FHL1: variants seen among roughly 807,000 people sequenced by gnomAD.
FHL1 encodes four and a half LIM domains protein 1.
FHL1 carries 1 observed loss-of-function variant against 20.3 expected under a neutral mutation model. The observed-to-expected ratio is 0.05, with a 90% CI of 0.02 to 0.23. The LOEUF (loss-of-function observed/expected upper bound fraction) is 0.23. Ranked by LOEUF, FHL1 falls within the 10% of genes least tolerant of loss-of-function variation. The pLI, the probability that FHL1 is intolerant of heterozygous loss-of-function variation, is 1.00. For missense variants in FHL1, 177 were observed against 234.0 expected, an observed-to-expected ratio of 0.76 and a Z score of 1.59; for synonymous variants, 82 against 88.9, an observed-to-expected ratio of 0.92 and a Z score of 0.44.
At chrX:136,192,212 A>G (rs1257439234), upstream of FHL1, among the ~76,000 whole-genome samples, 1 of 111,582 alleles carries the variant, frequency 9.0e-6, no homozygotes, top group African/African-American at 3.3e-5. Context: ...TTTGAAAAAT[A>G]TCATCCTAGG....
At chrX:136,209,737 C>A in intron 5 of FHL1, 134 bp from the exon 6 acceptor site, 2 of 755,070 alleles carry the variant, frequency 2.6e-6, no homozygotes, top group Non-Finnish European at 1.9e-6. Flanking sequence ...GCCAGGCAGA[C>A]CTGGCTCTTG....
intron 2 of FHL1, among the ~76,000 whole-genome samples, chrX:136,175,745 A>G (rs2072986800): frequency 1.8e-5 from 2 of 112,415 alleles, no homozygotes; most frequent in Non-Finnish European, 3.8e-5. Context: ...GCAAAATTGT[A>G]TATATGCTGT....
At chrX:136,165,878 T>C (rs1283124851), upstream of FHL1, among the ~76,000 whole-genome samples, 1 of 112,086 alleles carries the variant, frequency 8.9e-6, no homozygotes, top group Non-Finnish European at 1.9e-5. Flanking sequence ...TCTTGGCTTC[T>C]TTCTGGAATA....
chrX:136,178,586 ACT>A (rs943630155), intron 2 of FHL1, among the ~76,000 whole-genome samples: 1 of 93,755 alleles, frequency 1.1e-5, no homozygotes, highest in Non-Finnish European at 2.3e-5. Context: ...ATAGAGTGAG[ACT>A]CTGTCAAAAA....
rs1219841390 is a variant in FHL1, at chrX:136,210,220, A to G, written c.*195A>G. ...TCATATTAGCATTTAGCAAAAAGCA[A>G]CCCTGCAGCAAAGTGAATTTCTGTC... On this transcript the variant is annotated 3_prime_UTR_variant, in exon 6 of 6. Coordinates refer to ENST00000370683, the MANE Select transcript of FHL1 (RefSeq NM_001159699.2). 1 of 592,946 alleles carries G rather than the reference A, an allele frequency of 1.7e-6. No individual in the cohort carries two copies. The highest frequency in any genetic ancestry group is 3.6e-5 in the East Asian group (1 of 27,845). 48.9% of individuals were successfully genotyped at this position (592,946 alleles called of 1,213,427 possible).
chrX:136,169,517 AGAG>A (rs1486290943), upstream of FHL1: 9 of 171,030 alleles, frequency 5.3e-5, no homozygotes, highest in South Asian at 2.7e-4. Flanking sequence ...AAAGAGAGAG[AGAG>A]AAAAAAAAAG....
chrX:136,155,146 C>T (rs1026324423), intron 1 of FHL1, among the ~76,000 whole-genome samples: 2 of 111,945 alleles, frequency 1.8e-5, no homozygotes, highest in Non-Finnish European at 3.8e-5. Flanking sequence ...TTTTTTCAGT[C>T]CACCTGACTG....
chrX:136,147,937 T>G (rs1603237257), intron 1 of FHL1: 1 of 63,098 alleles, frequency 1.6e-5, no homozygotes, highest in Admixed American at 2.1e-4. Flanking sequence ...GGCAGTGGGG[T>G]GGAGGTGGGG....
upstream of FHL1, among the ~76,000 whole-genome samples, chrX:136,167,659 C>T (rs1395839675): frequency 8.9e-6 from 1 of 111,895 alleles, no homozygotes; most frequent in African/African-American, 3.2e-5. Context: ...CTAGAAGACA[C>T]TTTCCCTGTC....
rs941684779 is a variant in FHL1, at chrX:136,211,175, A to ATTAT, written c.*1152_*1155dup. On this transcript the variant is annotated 3_prime_UTR_variant, in exon 6 of 6. Transcript: ENST00000370683. ...GGATCACCTACTTACTGTATTCTACATTATTATATGACATAGTATAATGAG... is the reference window on the plus strand; with the variant it reads ...GGATCACCTACTTACTGTATTCTACATTATTTATTATATGACATAGTATAATGAG... 2.7e-6 allele frequency: 1 copy of ATTAT among 367,481 alleles called. No homozygotes were observed. The highest frequency in any genetic ancestry group is 5.2e-6 in the Non-Finnish European group (1 of 193,543). 30.3% of individuals were successfully genotyped at this position (367,481 alleles called of 1,213,427 possible). A position where few individuals can be genotyped will look rare whatever the true frequency, so the allele number is the denominator to read the frequency against.
At chrX:136,149,355 G>T (rs899703140) in intron 1 of FHL1, among the ~76,000 whole-genome samples, 2 of 112,368 alleles carry the variant, frequency 1.8e-5, no homozygotes, top group African/African-American at 6.5e-5. Flanking sequence ...TATTAAGCAG[G>T]CATTTGCCTT....
At chrX:136,196,813 A>G (rs781161801), upstream of FHL1, 10 of 1,166,977 alleles carry the variant, frequency 8.6e-6, no homozygotes, top group South Asian at 1.9e-4. Flanking sequence ...ATGACTTTCT[A>G]TGTGGCCTCT....
At position 136,209,978 on chromosome X, in the gene FHL1, T is replaced by C; in HGVS notation, c.844T>C (p.Phe282Leu). 1.6e-5 allele frequency: 19 copies of C among 1,211,475 alleles called. No homozygotes were observed. Among genetic ancestry groups the C allele is most frequent in the Non-Finnish European group, 2.0e-5 (18 of 895,450 alleles). Residue 282 changes from phenylalanine to leucine, a missense_variant, in exon 6 of 6, where the codon TTC (phenylalanine) becomes CTC (leucine). Phe to Leu is a conservative substitution (Grantham distance 22). Transcript: ENST00000370683. Reference sequence around the variant, plus strand: ...GAATCTGGCCAACAAGCGCTTTGTTTTCCACCAGGAGCAAGTGTATTGTCC... The same window carrying C: ...GAATCTGGCCAACAAGCGCTTTGTTCTCCACCAGGAGCAAGTGTATTGTCC... ...SVNLANKRFV[F>L]HQEQVYCPDC...
intron 2 of FHL1, among the ~76,000 whole-genome samples, chrX:136,174,288 G>A (rs1177311335): frequency 8.9e-6 from 1 of 111,820 alleles, no homozygotes; most frequent in Admixed American, 9.5e-5. Flanking sequence ...TTCAGAGGAA[G>A]GTTACTTTCT....
intron 2 of FHL1, among the ~76,000 whole-genome samples, chrX:136,179,040 A>G (rs2073086442): frequency 8.9e-6 from 1 of 112,155 alleles, no homozygotes; most frequent in Admixed American, 9.4e-5. Context: ...TACAAGCATG[A>G]GCCACTGTGC....
intron 1 of FHL1, chrX:136,205,085 GCTAT>G (rs1211083920): frequency 8.9e-6 from 1 of 112,439 alleles, no homozygotes; most frequent in Non-Finnish European, 1.9e-5. Context: ...TGAAATAATT[GCTAT>G]CTATTTACCC....
At chrX:136,197,923 T>G (rs1313593816) in intron 1 of FHL1, among the ~76,000 whole-genome samples, 1 of 111,293 alleles carries the variant, frequency 9.0e-6, no homozygotes, top group African/African-American at 3.3e-5. Flanking sequence ...AGAAGGCACT[T>G]CATCCTGTCT....
In FHL1 at chrX:136,210,932, C is replaced by T. The variant is rs1454337903; in HGVS notation, c.*907C>T. 5.5e-5 allele frequency: 21 copies of T among 380,989 alleles called. No homozygotes were observed. In the East Asian group the frequency reaches 9.5e-4, roughly 17 times the overall value. 31.4% of individuals were successfully genotyped at this position (380,989 alleles called of 1,213,427 possible). A position where few individuals can be genotyped will look rare whatever the true frequency, so the allele number is the denominator to read the frequency against. ...CTGAAATTCATCCTACGGAAGTAAC[C>T]GCAAAACTCTAGAGGGGGAGTTGAG... On this transcript the variant is annotated 3_prime_UTR_variant, in exon 6 of 6. Transcript: ENST00000370683.
chrX:136,194,477 A>G (rs924959835), upstream of FHL1, among the ~76,000 whole-genome samples: 1 of 111,200 alleles, frequency 9.0e-6, no homozygotes, highest in Non-Finnish European at 1.9e-5. Flanking sequence ...ATGGAAGGGA[A>G]ACAGGGAGTT....
Sources: allele counts gnomAD v4.1 joint callset (sites outside exome capture counted in the v4.1 genomes callset), GRCh38; gene constraint gnomAD v4.1.1; transcripts MANE v1.5; gene names NCBI Gene and HGNC (gene_info 2026-07-23, HGNC 2026-07-21).